MB21D2: variants seen among roughly 807,000 people sequenced by gnomAD.
The protein encoded by MB21D2 is nucleotidyltransferase MB21D2.
MB21D2 carries 9 observed loss-of-function variants against 33.3 expected under a neutral mutation model. The ratio of observed to expected loss-of-function variants is 0.27; its 90% CI spans 0.16 to 0.47. MB21D2 has a LOEUF of 0.47. MB21D2 is among the 20% of genes least tolerant of loss of function. The pLI is 0.99. For synonymous variants in MB21D2, 241 were observed against 236.3 expected (o/e 1.02, Z -0.18); for missense variants, 540 against 624.6 (o/e 0.86, Z 1.44).
At chr3:192,830,481 A>C (rs1387848243) in intron 1 of MB21D2, among the ~76,000 whole-genome samples, 2 of 152,092 alleles carry the variant, frequency 1.3e-5, no homozygotes, top group African/African-American at 2.4e-5. Context: ...CAGCTGCAGT[A>C]ATCTGCCTAC....
At chr3:192,912,580 G>A (rs1389730682) in intron 1 of MB21D2, among the ~76,000 whole-genome samples, 2 of 152,086 alleles carry the variant, frequency 1.3e-5, no homozygotes, top group African/African-American at 4.8e-5. Context: ...GGCTGAGGCA[G>A]GAGAATCACT....
rs535830426 is a variant in MB21D2, at chr3:192,902,288, C to T, written c.211+15342G>A. 2.2e-4 allele frequency among the ~76,000 whole-genome samples: 33 copies of T among 152,190 alleles called. 1 individual carries two copies. Among genetic ancestry groups the T allele is most frequent in the Admixed American group, 2.0e-3 (31 of 15,284 alleles). ...GTGGCACCACCCCACGTTTGTATAC[C>T]AGCAACCACATAGAGCCCGGCGTAG... On this transcript the variant is annotated intron_variant, in intron 1 of 1. Coordinates refer to ENST00000392452, the MANE Select transcript of MB21D2 (RefSeq NM_178496.4).
intron 1 of MB21D2, among the ~76,000 whole-genome samples, chr3:192,890,047 A>C (rs1365446245): frequency 3.3e-5 from 5 of 152,124 alleles, no homozygotes; most frequent in African/African-American, 9.7e-5. Context: ...CAGAAAAAAC[A>C]ATTCTTTTTA....
intron 1 of MB21D2, among the ~76,000 whole-genome samples, chr3:192,892,704 A>T (rs563260452): frequency 1.9e-3 from 285 of 152,196 alleles, no homozygotes; most frequent in Non-Finnish European, 2.7e-3. Context: ...CGGCCTCCCA[A>T]AGTGCTGGGA....
chr3:192,905,120 G>A (rs1167201136), intron 1 of MB21D2, among the ~76,000 whole-genome samples: 1 of 152,208 alleles, frequency 6.6e-6, no homozygotes, highest in Admixed American at 6.5e-5. Flanking sequence ...GCTGCTAAAA[G>A]GGTGATCTTG....
chr3:192,853,541 G>A (rs745570263), intron 1 of MB21D2, among the ~76,000 whole-genome samples: 1 of 152,154 alleles, frequency 6.6e-6, no homozygotes, highest in Non-Finnish European at 1.5e-5. Context: ...ATGCATGCAC[G>A]CTGAATATGC....
chr3:192,824,707 T>C (rs1325398627), intron 1 of MB21D2, among the ~76,000 whole-genome samples: 2 of 152,234 alleles, frequency 1.3e-5, no homozygotes, highest in African/African-American at 4.8e-5. Context: ...TTTAAGGTTT[T>C]CATTTAAAAT....
chr3:192,875,384 A>G (rs1197309158), intron 1 of MB21D2, among the ~76,000 whole-genome samples: 1 of 152,158 alleles, frequency 6.6e-6, no homozygotes, highest in Non-Finnish European at 1.5e-5. Flanking sequence ...ATGGTGAAAG[A>G]AAACAGAAAA....
At chr3:192,829,401 G>C (rs774194628) in intron 1 of MB21D2, among the ~76,000 whole-genome samples, 1 of 152,138 alleles carries the variant, frequency 6.6e-6, no homozygotes, top group African/African-American at 2.4e-5. Flanking sequence ...TGCGATCGCC[G>C]TTCCATTTTT....
chr3:192,813,050 TAAG>T (rs1711825836), intron 1 of MB21D2, among the ~76,000 whole-genome samples: 1 of 152,180 alleles, frequency 6.6e-6, no homozygotes, highest in Non-Finnish European at 1.5e-5. Context: ...TAAAATGTGA[TAAG>T]ACTACATTAA....
chr3:192,801,454 G>A (rs1711560285), intron 1 of MB21D2, among the ~76,000 whole-genome samples: 1 of 152,142 alleles, frequency 6.6e-6, no homozygotes, highest in Non-Finnish European at 1.5e-5. Context: ...TACTCTGAAC[G>A]TTCGTGACTC....
chr3:192,868,308 T>C (rs1713212811), intron 1 of MB21D2, among the ~76,000 whole-genome samples: 1 of 152,162 alleles, frequency 6.6e-6, no homozygotes, highest in Admixed American at 6.5e-5. Context: ...AGAATCCATC[T>C]TCCCAGTGAA....
In MB21D2 at chr3:192,849,318, G is replaced by GC. The variant is rs1423029809; in HGVS notation, c.212-49669_212-49668insG. Among the ~76,000 whole-genome samples, 6 of 133,902 alleles carry GC rather than the reference G, an allele frequency of 4.5e-5. No homozygotes were observed. In the South Asian group the frequency reaches 1.2e-3, roughly 27 times the overall value. 87.8% of individuals were successfully genotyped at this position (133,902 alleles called of 152,430 possible). ...CAAGTTTTTCACGTCTCTTTTTTTG[G>GC]GGGGGGGGCGGGGGGTGGGGGTGGA... On this transcript the variant is annotated intron_variant, in intron 1 of 1. Transcript: ENST00000392452.
chr3:192,816,952 C>G (rs1711939329), intron 1 of MB21D2, among the ~76,000 whole-genome samples: 1 of 151,966 alleles, frequency 6.6e-6, no homozygotes, highest in South Asian at 2.1e-4. Context: ...CATAAAGCTC[C>G]AAGCAGAGTT....
chr3:192,909,908 G>C (rs1251397530), intron 1 of MB21D2, among the ~76,000 whole-genome samples: 1 of 115,196 alleles, frequency 8.7e-6, no homozygotes, highest in Non-Finnish European at 1.6e-5. Context: ...CTGCTCTCCA[G>C]CCTGAGTGAC....
intron 1 of MB21D2, among the ~76,000 whole-genome samples, chr3:192,841,591 C>T (rs1054681361): frequency 6.6e-6 from 1 of 152,332 alleles, no homozygotes; most frequent in Non-Finnish European, 1.5e-5. Context: ...CCAGCCCAGT[C>T]AAGTGTTCCA....
chr3:192,851,999 G>A (rs1051626629), intron 1 of MB21D2, among the ~76,000 whole-genome samples: 3 of 152,192 alleles, frequency 2.0e-5, no homozygotes, highest in Non-Finnish European at 4.4e-5. Context: ...GGGCAGCTTC[G>A]AGGAATGATT....
chr3:192,872,293 C>T (rs1018001605), intron 1 of MB21D2, among the ~76,000 whole-genome samples: 4 of 152,256 alleles, frequency 2.6e-5, no homozygotes, highest in Middle Eastern at 3.4e-3. Flanking sequence ...AGTTGCAAAG[C>T]TGGCCGGGCG....
At chr3:192,833,681 G>A (rs1319056298) in intron 1 of MB21D2, among the ~76,000 whole-genome samples, 27 of 152,118 alleles carry the variant, frequency 1.8e-4, no homozygotes, top group Admixed American at 1.8e-3. Context: ...TCAACCTTCA[G>A]AACAACCCTA....
Sources: gnomAD v4.1 joint callset for allele counts (sites outside exome capture counted in the v4.1 genomes callset) on GRCh38, gnomAD v4.1.1 for gene constraint, MANE v1.5 for transcripts, NCBI Gene and HGNC (gene_info 2026-07-23, HGNC 2026-07-21) for gene names.